The following PPFIA2 variants were observed in gnomAD, a reference collection of about 807,000 sequenced individuals.
The protein encoded by PPFIA2 is PPFI scaffold protein A2, also known as liprin-alpha-2.
In PPFIA2, 46 loss-of-function variants were observed where a neutral mutation model predicts 175.5. That is an observed-to-expected ratio of 0.26 (90% CI 0.21 to 0.34). The LOEUF is 0.34. Ranked by LOEUF, PPFIA2 falls within the 10% of genes least tolerant of loss-of-function variation. PPFIA2 has a pLI of 1.00. For synonymous variants in PPFIA2, 568 were observed against 511.4 expected (o/e 1.11, Z -1.49); for missense variants, 1,179 against 1,506.1 (o/e 0.78, Z 3.60).
At chr12:81,367,913 G>C (rs1166575436) in intron 13 of PPFIA2, among the ~76,000 whole-genome samples, 3 of 151,680 alleles carry the variant, frequency 2.0e-5, no homozygotes, top group Non-Finnish European at 3.0e-5. Context: ...CCATGTATTT[G>C]AAGTTGTATG....
chr12:81,371,321 G>C (rs112181543), intron 11 of PPFIA2, among the ~76,000 whole-genome samples: 143,336 of 143,378 alleles, frequency 1, 71,648 homozygotes, highest in Middle Eastern at 1. Context: ...TTAAATTTTA[G>C]AGTAAGTGGA....
intron 4 of PPFIA2, among the ~76,000 whole-genome samples, chr12:81,570,739 T>A (rs1047912824): frequency 1.3e-5 from 2 of 149,110 alleles, no homozygotes; most frequent in African/African-American, 2.4e-5. Flanking sequence ...AATATATCAA[T>A]TAATATAATT....
At chr12:81,357,216 T>C (rs961004301) in intron 16 of PPFIA2, among the ~76,000 whole-genome samples, 7 of 152,262 alleles carry the variant, frequency 4.6e-5, no homozygotes, top group African/African-American at 1.7e-4. Flanking sequence ...AGAAAAGAAT[T>C]GAGATTAACT....
chr12:81,321,238 A>G (rs1265047280), intron 22 of PPFIA2, among the ~76,000 whole-genome samples: 2 of 152,106 alleles, frequency 1.3e-5, no homozygotes, highest in Non-Finnish European at 2.9e-5. Context: ...GGTGTGACAC[A>G]TATTTTCAGG....
intron 4 of PPFIA2, among the ~76,000 whole-genome samples, chr12:81,504,460 G>A (rs571935333): frequency 2.0e-5 from 3 of 152,152 alleles, no homozygotes; most frequent in African/African-American, 4.8e-5. Context: ...TCTCACACCA[G>A]TTAGAATGGC....
intron 4 of PPFIA2, among the ~76,000 whole-genome samples, chr12:81,655,236 T>G (rs747262002): frequency 2.6e-5 from 4 of 151,910 alleles, no homozygotes; most frequent in Non-Finnish European, 4.4e-5. Flanking sequence ...CAATGTTAAT[T>G]TTCCCCCAAA....
At chr12:81,443,555 G>C (rs868019842) in intron 6 of PPFIA2, among the ~76,000 whole-genome samples, 1 of 151,848 alleles carries the variant, frequency 6.6e-6, no homozygotes, top group African/African-American at 2.4e-5. Context: ...GTACTCACAC[G>C]ACCAGGTTAT....
At chr12:81,652,896 C>A (rs2067228173) in intron 4 of PPFIA2, among the ~76,000 whole-genome samples, 1 of 152,056 alleles carries the variant, frequency 6.6e-6, no homozygotes, top group African/African-American at 2.4e-5. Context: ...TTCTTATGTT[C>A]TCTGTTTTGG....
intron 17 of PPFIA2, among the ~76,000 whole-genome samples, chr12:81,351,603 A>T (rs966577940): frequency 6.6e-6 from 1 of 152,034 alleles, no homozygotes; most frequent in Admixed American, 6.6e-5. Context: ...AAGCACTAAG[A>T]TTAACAATCT....
chr12:81,736,794 G>T (rs2081634110), intron 3 of PPFIA2, among the ~76,000 whole-genome samples: 1 of 151,918 alleles, frequency 6.6e-6, no homozygotes, highest in Non-Finnish European at 1.5e-5. Context: ...ACCCAGGTTG[G>T]AGTGCAGTGG....
At chr12:81,328,547 A>T (rs938116486) in intron 21 of PPFIA2, among the ~76,000 whole-genome samples, 3 of 152,182 alleles carry the variant, frequency 2.0e-5, no homozygotes, top group African/African-American at 7.2e-5. Flanking sequence ...AACTTTTCTT[A>T]ATGTAGCTAC....
At position 81,704,183 on chromosome 12, in the gene PPFIA2, T is replaced by C. The variant is rs1272143800; in HGVS notation, c.250-27339A>G. Among the ~76,000 whole-genome samples the C allele has an allele frequency of 2.0e-5, 3 of 152,126 alleles. 1 individual carries two copies. Among genetic ancestry groups the C allele is most frequent in the Non-Finnish European group, 4.4e-5 (3 of 68,000 alleles). On this transcript the variant is annotated intron_variant, in intron 3 of 32. Transcript: ENST00000549396. ...AATGAAAGAGACATTCAATGTACAC[T>C]TAAATAGTGAAGTAGGGTGTGCAAA...
At chr12:81,553,622 G>C (rs2068322907) in intron 4 of PPFIA2, among the ~76,000 whole-genome samples, 1 of 152,004 alleles carries the variant, frequency 6.6e-6, no homozygotes, top group Admixed American at 6.6e-5. Flanking sequence ...CTGCGGAAGA[G>C]AGGAGCCATA....
At chr12:81,286,038 T>C (rs1440201122) in intron 24 of PPFIA2, among the ~76,000 whole-genome samples, 1 of 151,962 alleles carries the variant, frequency 6.6e-6, no homozygotes. Context: ...TGTAGGCCTA[T>C]AGTGATTTTT....
At chr12:81,415,196 A>T (rs1233946484) in intron 7 of PPFIA2, among the ~76,000 whole-genome samples, 1 of 53,728 alleles carries the variant, frequency 1.9e-5, no homozygotes, top group African/African-American at 7.1e-5. Context: ...AAAAAAAAAA[A>T]AAAAAAAAAA....
intron 7 of PPFIA2, among the ~76,000 whole-genome samples, chr12:81,423,242 G>A (rs2046606266): frequency 6.6e-6 from 1 of 152,080 alleles, no homozygotes; most frequent in Non-Finnish European, 1.5e-5. Context: ...AATAGAAGAA[G>A]CAGTAACACT....
intron 28 of PPFIA2, among the ~76,000 whole-genome samples, chr12:81,271,844 G>A (rs2039202445): frequency 6.6e-6 from 1 of 151,836 alleles, no homozygotes; most frequent in Non-Finnish European, 1.5e-5. Context: ...CCTCCATCAT[G>A]TGTGCATTTT....
chr12:81,547,716 C>T (rs751635612), intron 4 of PPFIA2, among the ~76,000 whole-genome samples: 1 of 152,134 alleles, frequency 6.6e-6, no homozygotes, highest in East Asian at 1.9e-4. Context: ...AATCTGTTGA[C>T]ACTCTATAAA....
intron 4 of PPFIA2, among the ~76,000 whole-genome samples, chr12:81,557,930 T>TA (rs1156587082): frequency 6.6e-6 from 1 of 152,068 alleles, no homozygotes; most frequent in Non-Finnish European, 1.5e-5. Flanking sequence ...AAAATGTGTG[T>TA]AAAGGCATGC....
Sources: allele counts gnomAD v4.1 joint callset (sites outside exome capture counted in the v4.1 genomes callset), GRCh38; gene constraint gnomAD v4.1.1; transcripts MANE v1.5; gene names NCBI Gene and HGNC (gene_info 2026-07-23, HGNC 2026-07-21).